The following ATP6V1C2 variants were observed in gnomAD, a reference collection of about 807,000 sequenced individuals.
The protein encoded by ATP6V1C2 is V-type proton ATPase subunit C 2.
A neutral mutation model predicts 56.8 loss-of-function variants in ATP6V1C2; 45 were observed. That is an observed-to-expected ratio of 0.79 (90% CI 0.62 to 1.02). ATP6V1C2 has a LOEUF of 1.02. Ranked by LOEUF, ATP6V1C2 falls within the 50% of genes least tolerant of loss-of-function variation. The probability of loss-of-function intolerance (pLI) is 0.00; values close to 1 mark genes in which losing one functional copy is unlikely to be tolerated. For missense variants in ATP6V1C2, 463 were observed against 519.7 expected, an observed-to-expected ratio of 0.89 and a Z score of 1.06; for synonymous variants, 220 against 201.3, an observed-to-expected ratio of 1.09 and a Z score of -0.79.
chr2:10,780,901 C>A lies in ATP6V1C2; in HGVS notation c.1062-1342C>A, dbSNP rs747135592. Among the ~76,000 whole-genome samples, 3 of 152,104 alleles carry A rather than the reference C, an allele frequency of 2.0e-5. No homozygotes were observed. The highest frequency in any genetic ancestry group is 7.2e-5 in the African/African-American group (3 of 41,422). On this transcript the variant is annotated intron_variant, in intron 12 of 13. Coordinates refer to ENST00000272238, the MANE Select transcript of ATP6V1C2 (RefSeq NM_001039362.2). This position sits in a 1 kb window ranked among gnomAD's most constrained non-coding sequence, Gnocchi z 4.1. Reference sequence around the variant, plus strand: ...CTGGGATTACAGGCGTGCACCACCACGCCCAGCTAATTTTTGTAATTTTAG... The same window carrying A: ...CTGGGATTACAGGCGTGCACCACCAAGCCCAGCTAATTTTTGTAATTTTAG...
intron 3 of ATP6V1C2, among the ~76,000 whole-genome samples, chr2:10,752,028 C>T (rs1663246672): frequency 6.6e-6 from 1 of 151,900 alleles, no homozygotes; most frequent in South Asian, 2.1e-4. Context: ...CACTGTATTC[C>T]CATCCTACCT....
At chr2:10,730,840 A>G (rs775877306) in intron 3 of ATP6V1C2, among the ~76,000 whole-genome samples, 3 of 151,488 alleles carry the variant, frequency 2.0e-5, no homozygotes, top group Non-Finnish European at 2.9e-5. Flanking sequence ...TTTAGTAGAG[A>G]CGGGATTTCT....
chr2:10,754,973 TCCTCCCACC>T (rs1663456409), intron 4 of ATP6V1C2, among the ~76,000 whole-genome samples: 1 of 151,898 alleles, frequency 6.6e-6, no homozygotes, highest in Non-Finnish European at 1.5e-5. Flanking sequence ...GCTCAAGGGG[TCCTCCCACC>T]TCAGCCTCTC....
chr2:10,783,143 A>G (rs748630874), intron 13 of ATP6V1C2, 31 bp from the exon 14 acceptor site: 1 of 1,547,838 alleles, frequency 6.5e-7, no homozygotes, highest in South Asian at 1.1e-5. Flanking sequence ...TAGTTTATGC[A>G]CTTAGAGCAT....
intron 3 of ATP6V1C2, among the ~76,000 whole-genome samples, chr2:10,749,306 G>A (rs1464796955): frequency 6.6e-6 from 1 of 151,916 alleles, no homozygotes; most frequent in Non-Finnish European, 1.5e-5. Flanking sequence ...ACCGGTCTGG[G>A]CAACATAGCA....
chr2:10,761,344 T>G (rs1572571298), intron 4 of ATP6V1C2, among the ~76,000 whole-genome samples: 1 of 151,610 alleles, frequency 6.6e-6, no homozygotes, highest in African/African-American at 2.4e-5. Flanking sequence ...TGGTGGGAGG[T>G]GAGCTTGCCT....
chr2:10,726,815 A>G (rs563467101), intron 3 of ATP6V1C2, among the ~76,000 whole-genome samples: 3 of 152,280 alleles, frequency 2.0e-5, no homozygotes, highest in East Asian at 1.9e-4. Context: ...AAGATCATGC[A>G]TAGGTGCCGA....
chr2:10,732,931 G>A (rs181805005), intron 3 of ATP6V1C2, among the ~76,000 whole-genome samples: 88 of 148,654 alleles, frequency 5.9e-4, no homozygotes, highest in African/African-American at 2.0e-3. Context: ...AGATTGTGCC[G>A]CTGCATTCCA....
At chr2:10,776,251 C>T (rs1425520853) in intron 10 of ATP6V1C2, among the ~76,000 whole-genome samples, 1 of 142,798 alleles carries the variant, frequency 7.0e-6, no homozygotes, top group Non-Finnish European at 1.5e-5. Context: ...CGAAATAGCA[C>T]AGGGCGCTCA....
At position 10,784,165 on chromosome 2, in the gene ATP6V1C2, G is replaced by C. The variant is rs1182933978; in HGVS notation, c.*902G>C. On this transcript the variant is annotated 3_prime_UTR_variant, in exon 14 of 14. Transcript: ENST00000272238. ...CTTCTTGGTTAAAAGGCCACTGGTA[G>C]AGTCATCTGAGTGTAGAGAATGTCC... 1 of 872,104 alleles carries C rather than the reference G, an allele frequency of 1.1e-6. No homozygotes were observed. Among genetic ancestry groups the C allele is most frequent in the East Asian group, 2.5e-5 (1 of 39,976 alleles). 54.0% of individuals were successfully genotyped at this position (872,104 alleles called of 1,614,324 possible).
At chr2:10,740,230 C>G (rs1245959544) in intron 3 of ATP6V1C2, among the ~76,000 whole-genome samples, 1 of 152,140 alleles carries the variant, frequency 6.6e-6, no homozygotes, top group Non-Finnish European at 1.5e-5. Context: ...GAACCAAGTG[C>G]TTTTAAGAAG....
At chr2:10,767,380 C>T (rs998748373) in intron 5 of ATP6V1C2, among the ~76,000 whole-genome samples, 2 of 151,984 alleles carry the variant, frequency 1.3e-5, no homozygotes, top group African/African-American at 2.4e-5. Flanking sequence ...CCAGGCTGGT[C>T]CCAAACTCCT....
chr2:10,771,878 C>T lies in ATP6V1C2; in HGVS notation c.510C>T (p.Ser170=). The T allele has an allele frequency of 6.2e-7, 1 of 1,614,172 alleles. No homozygotes were observed. ...LFTRTLSDIV[S]KEDFVLDSEY... ...CCCGGACACTGAGTGATATTGTGAG[C>T]AAAGAGGACTTCGTGCTGGATTCTG... Residue 170 remains serine, a synonymous_variant, in exon 7 of 14, where the codon AGC becomes AGT. Transcript: ENST00000272238.
At chr2:10,779,418 TA>T (rs757677176) in intron 12 of ATP6V1C2, among the ~76,000 whole-genome samples, 40,108 of 116,230 alleles carry the variant, frequency 0.35, 5,919 homozygotes, top group African/African-American at 0.36. Flanking sequence ...CTTTGCCTAA[TA>T]AAAAAAAAAA....
chr2:10,785,046 C>A lies in ATP6V1C2; in HGVS notation c.*1783C>A. ...AGAGAGCTCCCTTAGGGAAAAATGA[C>A]CAAAACACACACACACATTTACAAT... On this transcript the variant is annotated 3_prime_UTR_variant, in exon 14 of 14. Coordinates refer to ENST00000272238, the MANE Select transcript of ATP6V1C2 (RefSeq NM_001039362.2). 6.7e-7 allele frequency: 1 copy of A among 1,489,928 alleles called. No individual in the cohort carries two copies. The highest frequency in any genetic ancestry group is 1.4e-5 in the African/African-American group (1 of 72,238). 92.3% of individuals were successfully genotyped at this position (1,489,928 alleles called of 1,614,324 possible).
intron 6 of ATP6V1C2, among the ~76,000 whole-genome samples, chr2:10,770,445 T>C (rs1276070413): frequency 6.6e-6 from 1 of 152,224 alleles, no homozygotes; most frequent in African/African-American, 2.4e-5. Flanking sequence ...GTTGGATGCC[T>C]GGCTTTATGT....
Position 10,766,413 on chromosome 2 carries a change from T to C in ATP6V1C2, c.378+1988T>C, listed in dbSNP as rs60621169. ...TTGCTCAGAGAGGTCAAGGAGCTTA[T>C]GTCAGGTCACACAGCCAGTAAAAGT... On this transcript the variant is annotated intron_variant, in intron 5 of 13. Coordinates refer to ENST00000272238, the MANE Select transcript of ATP6V1C2 (RefSeq NM_001039362.2). Among the ~76,000 whole-genome samples, 620 of 152,314 alleles carry C rather than the reference T, an allele frequency of 4.1e-3. 5 individuals carry two copies. The highest frequency in any genetic ancestry group is 0.014 in the African/African-American group (589 of 41,552).
rs1024369350 is a variant in ATP6V1C2, at chr2:10,763,162, T to C, written c.284-1169T>C. Reference sequence around the variant, plus strand: ...CCTACCCCTTTCTGTTCAGCATCCGTCCACACTCCCTCTTCCCTGACTCAC... The same window carrying C: ...CCTACCCCTTTCTGTTCAGCATCCGCCCACACTCCCTCTTCCCTGACTCAC... On this transcript the variant is annotated intron_variant, in intron 4 of 13. Transcript: ENST00000272238. The surrounding 1 kb of genome is among the most constrained non-coding windows in gnomAD (Gnocchi z 4.2). 6.6e-6 allele frequency among the ~76,000 whole-genome samples: 1 copy of C among 152,030 alleles called. No individual in the cohort carries two copies. Among genetic ancestry groups the C allele is most frequent in the Non-Finnish European group, 1.5e-5 (1 of 67,964 alleles).
chr2:10,758,281 A>T (rs1663670255), intron 4 of ATP6V1C2, among the ~76,000 whole-genome samples: 2 of 152,232 alleles, frequency 1.3e-5, no homozygotes, highest in African/African-American at 4.8e-5. Context: ...AAATTAATGT[A>T]ACCTTAAGTT....
Sources: gnomAD v4.1 joint callset for allele counts (sites outside exome capture counted in the v4.1 genomes callset) on GRCh38, gnomAD v4.1.1 for gene constraint, Gnocchi (gnomAD v3.1) non-coding constraint, MANE v1.5 for transcripts, NCBI Gene and HGNC (gene_info 2026-07-23, HGNC 2026-07-21) for gene names.